The following NAV1 variants were observed in gnomAD, a reference collection of about 807,000 sequenced individuals.
NAV1 encodes the protein pore membrane and/or filament interacting like protein 3.
NAV1 carries 18 observed loss-of-function variants against 175.2 expected under a neutral mutation model. That is an observed-to-expected ratio of 0.10 (90% confidence interval 0.07 to 0.15). The LOEUF (loss-of-function observed/expected upper bound fraction) is 0.15. Ranked by LOEUF, NAV1 falls within the 10% of genes least tolerant of loss-of-function variation. The pLI is 1.00. For missense variants in NAV1, 1,731 were observed against 2,436.6 expected (o/e 0.71, Z 6.10); for synonymous variants, 897 against 978.7 (o/e 0.92, Z 1.56).
At position 201,793,894 on chromosome 1, in the gene NAV1, G is replaced by C. The variant is rs1677268304; in HGVS notation, c.3405+19G>C. The C allele has an allele frequency of 6.6e-7, 1 of 1,510,272 alleles. No individual in the cohort carries two copies. Among genetic ancestry groups the C allele is most frequent in the East Asian group, 2.3e-5 (1 of 44,174 alleles). 93.6% of individuals were successfully genotyped at this position (1,510,272 alleles called of 1,614,324 possible). Reference sequence around the variant, plus strand: ...GGAGAAGGTGAGAGGCCTGGGAAAGGGTGGGAGGGGTGGGTGCGGCGAGGG... The same window carrying C: ...GGAGAAGGTGAGAGGCCTGGGAAAGCGTGGGAGGGGTGGGTGCGGCGAGGG... On this transcript the variant is annotated intron_variant, in intron 14 of 29. Transcript: ENST00000367296.
At chr1:201,732,142 C>G (rs1330654656) in intron 3 of NAV1, among the ~76,000 whole-genome samples, 2 of 152,086 alleles carry the variant, frequency 1.3e-5, no homozygotes, top group African/African-American at 4.8e-5. Flanking sequence ...ACAAGCATCA[C>G]TCTGTCACCC....
chr1:201,730,647 C>G (rs1264538968), intron 3 of NAV1, among the ~76,000 whole-genome samples: 2 of 152,236 alleles, frequency 1.3e-5, no homozygotes, highest in Non-Finnish European at 2.9e-5. Flanking sequence ...TCCTGGAATG[C>G]CCTTACATGA....
At chr1:201,819,976 A>T in exon 30 of NAV1, 1 of 1,573,472 alleles carries the variant, frequency 6.4e-7, no homozygotes, top group Non-Finnish European at 8.7e-7. Context: ...GAACGCTGGC[A>T]TCAGCTATCT....
At chr1:201,761,767 G>A (rs1043880264) in intron 3 of NAV1, among the ~76,000 whole-genome samples, 3 of 152,140 alleles carry the variant, frequency 2.0e-5, no homozygotes, top group Non-Finnish European at 4.4e-5. Context: ...CCAGAATGGA[G>A]GATTGGCAAT....
intron 1 of NAV1, among the ~76,000 whole-genome samples, chr1:201,626,760 A>G (rs765437165): frequency 2.0e-5 from 3 of 152,086 alleles, no homozygotes; most frequent in Non-Finnish European, 4.4e-5. Context: ...AATTGGAACT[A>G]TGGTTAATGG....
chr1:201,558,430 TG>T (rs1453914589), intron 1 of NAV1, among the ~76,000 whole-genome samples: 1 of 152,206 alleles, frequency 6.6e-6, no homozygotes. Context: ...GGACAAAATT[TG>T]TCTGGGATCT....
intron 1 of NAV1, among the ~76,000 whole-genome samples, chr1:201,685,281 T>C (rs1225206051): frequency 2.0e-5 from 3 of 152,134 alleles, no homozygotes; most frequent in African/African-American, 7.2e-5. Context: ...TGAATCACAG[T>C]CTTTTAAGGC....
chr1:201,643,093 T>TTCTCTTTCTTTC (rs1244619489), intron 2 of NAV1, among the ~76,000 whole-genome samples: 1,595 of 143,860 alleles, frequency 0.011, 35 homozygotes, highest in African/African-American at 0.044. Flanking sequence ...CTTTCTTTCT[T>TTCTCTTTCTTTC]TTTCTCTTTC....
chr1:201,607,421 T>C (rs972377128), intron 2 of NAV1, among the ~76,000 whole-genome samples: 1 of 150,458 alleles, frequency 6.6e-6, no homozygotes, highest in Non-Finnish European at 1.5e-5. Context: ...GGCCAAATAA[T>C]TTTTGTGTAA....
intron 1 of NAV1, among the ~76,000 whole-genome samples, chr1:201,651,121 C>CGGTGTGTG (rs1558038098): frequency 1.4e-4 from 5 of 35,692 alleles, no homozygotes; most frequent in African/African-American, 3.8e-4. Context: ...GAGGAAGGGA[C>CGGTGTGTG]CGTGTGTGTG....
In NAV1 at chr1:201,684,023, T is replaced by C. The variant is rs368213438; in HGVS notation, c.758-28794T>C. On this transcript the variant is annotated intron_variant, in intron 1 of 29. Coordinates refer to ENST00000367296, the Ensembl canonical transcript of NAV1. ...TTATAATCCAGTTCTACATTTTTTA[T>C]TTTGTTTTCAAAATTGTTTCAGCTT... is the stretch of plus-strand genomic sequence containing the variant. Among the ~76,000 whole-genome samples, 5 of 152,232 alleles carry C rather than the reference T, an allele frequency of 3.3e-5. No individual in the cohort carries two copies. In the East Asian group the frequency reaches 9.6e-4, roughly 29 times the overall value.
intron 13 of NAV1, chr1:201,792,305 A>T (rs1677170150): frequency 6.6e-6 from 1 of 151,912 alleles, no homozygotes; most frequent in South Asian, 2.1e-4. Context: ...GTTCCATGGA[A>T]CTTCCTAGCC....
At chr1:201,737,273 C>T (rs1012269691) in intron 3 of NAV1, 1 of 152,196 alleles carries the variant, frequency 6.6e-6, no homozygotes, top group African/African-American at 2.4e-5. Context: ...TAAAAGCTCA[C>T]CATAACCTCC....
chr1:201,601,560 C>T (rs930840634), intron 2 of NAV1, among the ~76,000 whole-genome samples: 1 of 152,040 alleles, frequency 6.6e-6, no homozygotes, highest in Non-Finnish European at 1.5e-5. Context: ...GAGGGCAGAG[C>T]CTTCTTTGTG....
At chr1:201,659,251 T>A (rs1355710455) in intron 1 of NAV1, among the ~76,000 whole-genome samples, 1 of 152,234 alleles carries the variant, frequency 6.6e-6, no homozygotes, top group East Asian at 1.9e-4. Flanking sequence ...GCTTTATTGT[T>A]TGATCCAAGA....
chr1:201,661,192 C>T (rs1472046609), intron 1 of NAV1, among the ~76,000 whole-genome samples: 1 of 152,144 alleles, frequency 6.6e-6, no homozygotes, highest in Non-Finnish European at 1.5e-5. Flanking sequence ...CTCTCCCTGC[C>T]CTCTTGATGT....
At chr1:201,786,517 C>T (rs1372599727) in exon 9 of NAV1, 1 of 1,614,046 alleles carries the variant, frequency 6.2e-7, no homozygotes, top group Non-Finnish European at 8.5e-7. Context: ...CCAGTCAGAG[C>T]TGCCTTCTCC....
chr1:201,559,826 C>T (rs144146061), intron 1 of NAV1, among the ~76,000 whole-genome samples: 4 of 152,172 alleles, frequency 2.6e-5, no homozygotes, highest in African/African-American at 2.4e-5. Context: ...TTCCTGTTGC[C>T]GCCACCAGAG....
intron 22 of NAV1, 70 bp from the exon 27 acceptor site, chr1:201,809,876 C>T: frequency 7.2e-7 from 1 of 1,393,904 alleles, no homozygotes; most frequent in Non-Finnish European, 1.0e-6. Flanking sequence ...CTCTGATAGA[C>T]ATTCTTTGTT....
Sources: allele counts gnomAD v4.1 joint callset (sites outside exome capture counted in the v4.1 genomes callset), GRCh38; gene constraint gnomAD v4.1.1; transcripts MANE v1.5; gene names NCBI Gene and HGNC (gene_info 2026-07-23, HGNC 2026-07-21).